Variants in SLC16A10 observed in about 807,000 individuals in gnomAD.
SLC16A10 encodes the protein monocarboxylate transporter 10.
SLC16A10 carries 27 observed loss-of-function variants against 40.0 expected under a neutral mutation model. The observed-to-expected ratio is 0.67, with a 90% CI of 0.50 to 0.93. SLC16A10 has a LOEUF of 0.93. SLC16A10 is among the 40% of genes least tolerant of loss of function. The pLI, the probability that SLC16A10 is intolerant of heterozygous loss-of-function variation, is 0.00. For synonymous variants in SLC16A10, 213 were observed against 249.8 expected, an observed-to-expected ratio of 0.85 and a Z score of 1.39; for missense variants, 529 against 658.2, an observed-to-expected ratio of 0.80 and a Z score of 2.15.
At chr6:111,203,751 T>TAAATAAATAAATAAATAAATAAAA (rs1554261471) in intron 3 of SLC16A10, among the ~76,000 whole-genome samples, 186 of 147,760 alleles carry the variant, frequency 1.3e-3, no homozygotes, top group South Asian at 2.6e-3. Context: ...AATAAATAAA[T>TAAATAAATAAATAAATAAATAAAA]AAAATAATGC....
chr6:111,135,412 C>T (rs1256835736), intron 1 of SLC16A10, among the ~76,000 whole-genome samples: 2 of 152,162 alleles, frequency 1.3e-5, no homozygotes, highest in African/African-American at 4.8e-5. Flanking sequence ...TCCAACTTTA[C>T]GAGTACAGAA....
In SLC16A10 at chr6:111,177,740, C is replaced by A; in HGVS notation, c.942+75C>A. ...AACTTCTTTGAAGAGAAAGTTAGGT[C>A]GAGTTAAAGTTGGCCTCAAACATTA... On this transcript the variant is annotated intron_variant, in intron 3 of 5. Transcript: ENST00000368851. 4 of 1,359,834 alleles carry A rather than the reference C, an allele frequency of 2.9e-6. No individual in the cohort carries two copies. In the South Asian group the frequency reaches 6.9e-5, roughly 23 times the overall value. 84.2% of individuals were successfully genotyped at this position (1,359,834 alleles called of 1,614,324 possible).
Position 111,229,806 on chromosome 6 carries a change from A to G in SLC16A10, c.*7571A>G, listed in dbSNP as rs1055319202. On this transcript the variant is annotated 3_prime_UTR_variant, in exon 6 of 6. Transcript: ENST00000368851. ...TGGTCTGATTGTGTAACACCTAAGT[A>G]AAATAACATATGGGTCTCCTTGGCC... 6.6e-6 allele frequency: 1 copy of G among 152,070 alleles called. No individual in the cohort carries two copies. The highest frequency in any genetic ancestry group is 1.5e-5 in the Non-Finnish European group (1 of 68,044). 9.4% of individuals were successfully genotyped at this position (152,070 alleles called of 1,614,324 possible).
chr6:111,151,295 C>G (rs1471258153), intron 1 of SLC16A10, among the ~76,000 whole-genome samples: 2 of 152,132 alleles, frequency 1.3e-5, no homozygotes, highest in Admixed American at 6.5e-5. Flanking sequence ...CTCTCCTTTC[C>G]CCATTCCCCA....
In SLC16A10 at chr6:111,226,493, T is replaced by A. The variant is rs1770997940; in HGVS notation, c.*4258T>A. The A allele has an allele frequency of 6.6e-6, 1 of 152,226 alleles. No individual in the cohort carries two copies. Among genetic ancestry groups the A allele is most frequent in the South Asian group, 2.1e-4 (1 of 4,834 alleles). The allele number at this position is 152,226 out of a possible 1,614,324, so 9.4% of individuals were successfully genotyped here. On this transcript the variant is annotated 3_prime_UTR_variant, in exon 6 of 6. Coordinates refer to ENST00000368851, the MANE Select transcript of SLC16A10 (RefSeq NM_018593.5). Reference sequence around the variant, plus strand: ...CAATTTAAACAAGTATTTAAAACTTTTTAGGAAGTCTCTAACACTGAAAAA... The same window carrying A: ...CAATTTAAACAAGTATTTAAAACTTATTAGGAAGTCTCTAACACTGAAAAA...
chr6:111,093,271 A>C (rs1246262688), intron 1 of SLC16A10, among the ~76,000 whole-genome samples: 1 of 152,218 alleles, frequency 6.6e-6, no homozygotes, highest in Non-Finnish European at 1.5e-5. Flanking sequence ...GTAGATTATC[A>C]AAAAGGTCCT....
chr6:111,124,120 T>G (rs754726866), intron 1 of SLC16A10, among the ~76,000 whole-genome samples: 19 of 152,220 alleles, frequency 1.2e-4, no homozygotes, highest in Middle Eastern at 6.8e-3. Context: ...ATCATATGAC[T>G]TGAGATGGAG....
chr6:111,167,932 C>T (rs1772508210), intron 1 of SLC16A10, among the ~76,000 whole-genome samples: 1 of 151,784 alleles, frequency 6.6e-6, no homozygotes, highest in African/African-American at 2.4e-5. Context: ...ACCTCAGCCT[C>T]CCAAAGTGCT....
chr6:111,208,141 G>GT (rs565155140), intron 4 of SLC16A10, among the ~76,000 whole-genome samples: 17 of 150,914 alleles, frequency 1.1e-4, no homozygotes, highest in Non-Finnish European at 1.9e-4. Context: ...GCTAATTTTT[G>GT]TTTTTTTGTT....
At chr6:111,156,162 C>A (rs1317006707) in intron 1 of SLC16A10, among the ~76,000 whole-genome samples, 2 of 152,032 alleles carry the variant, frequency 1.3e-5, no homozygotes, top group African/African-American at 4.8e-5. Flanking sequence ...ATGATATAAA[C>A]AAGTGATTGA....
At chr6:111,201,077 C>G (rs1773160903) in intron 3 of SLC16A10, among the ~76,000 whole-genome samples, 1 of 152,134 alleles carries the variant, frequency 6.6e-6, no homozygotes. Flanking sequence ...ACATACAGGT[C>G]CCCTCCCTCC....
At chr6:111,220,101 T>C (rs1770863275) in intron 5 of SLC16A10, among the ~76,000 whole-genome samples, 2 of 152,148 alleles carry the variant, frequency 1.3e-5, no homozygotes, top group Non-Finnish European at 2.9e-5. Context: ...TAAAAGGTCA[T>C]ATATCGTATG....
At chr6:111,184,569 C>T (rs1188440777) in intron 3 of SLC16A10, among the ~76,000 whole-genome samples, 5 of 151,834 alleles carry the variant, frequency 3.3e-5, no homozygotes, top group African/African-American at 1.2e-4. Flanking sequence ...GCAACCTTCA[C>T]CTCCTGGGTT....
chr6:111,198,691 C>T (rs900275268), intron 3 of SLC16A10, among the ~76,000 whole-genome samples: 1 of 152,156 alleles, frequency 6.6e-6, no homozygotes, highest in African/African-American at 2.4e-5. Context: ...ATATGTGGCT[C>T]ATCTTTGACC....
chr6:111,193,731 CT>C (rs1398120060), intron 3 of SLC16A10, among the ~76,000 whole-genome samples: 1 of 152,148 alleles, frequency 6.6e-6, no homozygotes, highest in Non-Finnish European at 1.5e-5. Flanking sequence ...GAAATTATCC[CT>C]GTAATGTAGG....
intron 1 of SLC16A10, among the ~76,000 whole-genome samples, chr6:111,117,377 G>A (rs1041069379): frequency 2.0e-5 from 3 of 146,916 alleles, no homozygotes; most frequent in Non-Finnish European, 4.5e-5. Context: ...AAAAAAAAAA[G>A]TGGGAGGGTC....
chr6:111,093,120 A>G (rs1771013403), intron 1 of SLC16A10, among the ~76,000 whole-genome samples: 1 of 152,106 alleles, frequency 6.6e-6, no homozygotes, highest in African/African-American at 2.4e-5. Context: ...TGGAAAACCC[A>G]TGGAACTAAT....
intron 1 of SLC16A10, among the ~76,000 whole-genome samples, chr6:111,134,353 G>T (rs1025571474): frequency 6.6e-6 from 1 of 152,148 alleles, no homozygotes. Context: ...CATTGACAAA[G>T]CATATCTCTC....
At chr6:111,197,321 C>T (rs1773095275) in intron 3 of SLC16A10, among the ~76,000 whole-genome samples, 1 of 152,110 alleles carries the variant, frequency 6.6e-6, no homozygotes, top group African/African-American at 2.4e-5. Context: ...CATTTTTCTT[C>T]ACTTCAGAAT....
Sources: allele counts gnomAD v4.1 joint callset (sites outside exome capture counted in the v4.1 genomes callset), GRCh38; gene constraint gnomAD v4.1.1; transcripts MANE v1.5; gene names NCBI Gene and HGNC (gene_info 2026-07-23, HGNC 2026-07-21).